The following CTNND2 variants were observed in gnomAD, a reference collection of about 807,000 sequenced individuals.
CTNND2 encodes catenin delta 2, also known as catenin delta-2.
In CTNND2, 22 loss-of-function variants were observed where a neutral mutation model predicts 144.4. The ratio of observed to expected loss-of-function variants is 0.15; its 90% CI spans 0.11 to 0.22. The LOEUF is 0.22. CTNND2 is among the 10% of genes least tolerant of loss of function. The pLI is 1.00. For missense variants in CTNND2, 1,353 were observed against 1,618.8 expected (o/e 0.84, Z 2.82); for synonymous variants, 751 against 695.6 (o/e 1.08, Z -1.25).
intron 11 of CTNND2, among the ~76,000 whole-genome samples, chr5:11,195,411 A>G (rs73053725): frequency 2.0e-3 from 303 of 152,364 alleles, no homozygotes; most frequent in African/African-American, 6.9e-3. Flanking sequence ...TCTTGGAAAC[A>G]GAAGTTCTAA....
chr5:11,674,131 T>C (rs545758078), intron 2 of CTNND2, among the ~76,000 whole-genome samples: 3 of 152,342 alleles, frequency 2.0e-5, no homozygotes, highest in Admixed American at 6.5e-5. Flanking sequence ...GTGTTGATTC[T>C]TTGAATATCT....
chr5:11,484,824 G>A (rs1437172703), intron 3 of CTNND2, among the ~76,000 whole-genome samples: 2 of 152,170 alleles, frequency 1.3e-5, no homozygotes, highest in Non-Finnish European at 2.9e-5. Flanking sequence ...TACAAAAAGA[G>A]CTCAATTGTG....
At chr5:11,470,271 A>G (rs1767066483) in intron 3 of CTNND2, among the ~76,000 whole-genome samples, 1 of 152,112 alleles carries the variant, frequency 6.6e-6, no homozygotes, top group South Asian at 2.1e-4. Context: ...CCTCATCTCC[A>G]TTAAAATACA....
intron 9 of CTNND2, among the ~76,000 whole-genome samples, chr5:11,272,413 TA>T (rs1348011569): frequency 1.3e-5 from 2 of 152,216 alleles, no homozygotes; most frequent in African/African-American, 4.8e-5. Context: ...TAAATGTTTC[TA>T]AATCAGTGTT....
At chr5:11,022,449 A>G (rs1301152085) in intron 17 of CTNND2, among the ~76,000 whole-genome samples, 1 of 152,176 alleles carries the variant, frequency 6.6e-6, no homozygotes, top group Non-Finnish European at 1.5e-5. Flanking sequence ...CTGAAGAGGC[A>G]CAGAGCAGAG....
intron 3 of CTNND2, among the ~76,000 whole-genome samples, chr5:11,435,035 T>C (rs1763633757): frequency 6.6e-6 from 1 of 152,144 alleles, no homozygotes; most frequent in Non-Finnish European, 1.5e-5. Flanking sequence ...ATTACAGAAA[T>C]AGAGATATTC....
chr5:11,637,749 A>T (rs1266110579), intron 2 of CTNND2, among the ~76,000 whole-genome samples: 1 of 152,174 alleles, frequency 6.6e-6, no homozygotes, highest in Non-Finnish European at 1.5e-5. Context: ...TATGTTTTTT[A>T]AATTATTTAT....
intron 2 of CTNND2, among the ~76,000 whole-genome samples, chr5:11,707,649 A>T (rs1364307157): frequency 6.6e-6 from 1 of 152,226 alleles, no homozygotes; most frequent in Admixed American, 6.5e-5. Context: ...TAAATGCTAA[A>T]TTTTCAACTA....
At chr5:11,043,368 C>T (rs779218076) in intron 16 of CTNND2, among the ~76,000 whole-genome samples, 1 of 151,898 alleles carries the variant, frequency 6.6e-6, no homozygotes, top group East Asian at 1.9e-4. Flanking sequence ...ATTACTCTAC[C>T]CAGGATTCCA....
At chr5:11,181,698 G>T (rs1374008761) in intron 11 of CTNND2, among the ~76,000 whole-genome samples, 4 of 151,402 alleles carry the variant, frequency 2.6e-5, no homozygotes, top group African/African-American at 9.7e-5. Flanking sequence ...TGGTGTGTGT[G>T]TGGTGTATGC....
intron 15 of CTNND2, among the ~76,000 whole-genome samples, chr5:11,095,500 C>A (rs988911238): frequency 6.6e-6 from 1 of 152,188 alleles, no homozygotes; most frequent in Non-Finnish European, 1.5e-5. Flanking sequence ...CTGCAACCCT[C>A]AAGGAAGACA....
intron 11 of CTNND2, among the ~76,000 whole-genome samples, chr5:11,166,122 T>G (rs917956161): frequency 6.6e-6 from 1 of 152,146 alleles, no homozygotes; most frequent in Non-Finnish European, 1.5e-5. Context: ...ATTAGTGAAT[T>G]AAGGCATCTA....
chr5:11,515,775 AC>A (rs1163643317), intron 3 of CTNND2, among the ~76,000 whole-genome samples: 4 of 152,202 alleles, frequency 2.6e-5, no homozygotes, highest in Non-Finnish European at 4.4e-5. Context: ...AGGCTCAAAA[AC>A]ATTATAAAAT....
At chr5:11,853,344 A>G (rs569793418) in intron 1 of CTNND2, among the ~76,000 whole-genome samples, 1 of 151,724 alleles carries the variant, frequency 6.6e-6, no homozygotes, top group African/African-American at 2.4e-5. Flanking sequence ...TTTTCTTCCT[A>G]CTTCACTGGC....
chr5:11,846,473 C>T (rs777994814), intron 1 of CTNND2, among the ~76,000 whole-genome samples: 1 of 152,114 alleles, frequency 6.6e-6, no homozygotes, highest in Middle Eastern at 3.4e-3. Flanking sequence ...AATGTAAGAC[C>T]CAAAACTATG....
In CTNND2 at chr5:11,761,232, C is replaced by CT. The variant is rs571887818; in HGVS notation, c.38-28961dup. On this transcript the variant is annotated intron_variant, in intron 1 of 21. Transcript: ENST00000304623. ...CCAATTTCATGAAACTGTAATTACT[C>CT]TGAGAACGATGCTAAATTTAAATTG... Among the ~76,000 whole-genome samples the CT allele has an allele frequency of 5.3e-4, 81 of 152,242 alleles. 1 individual carries two copies. The South Asian group carries it at 0.016, about 31-fold the overall frequency.
intron 2 of CTNND2, among the ~76,000 whole-genome samples, chr5:11,609,419 C>T (rs1417363589): frequency 1.3e-5 from 2 of 152,064 alleles, no homozygotes; most frequent in East Asian, 1.9e-4. Flanking sequence ...CCTCTTTAAA[C>T]GTATGAAATT....
chr5:11,891,454 C>T (rs769059504), intron 1 of CTNND2, among the ~76,000 whole-genome samples: 41 of 152,124 alleles, frequency 2.7e-4, no homozygotes, highest in Non-Finnish European at 4.4e-4. Context: ...TGAATGTTTG[C>T]GTCTTCTCCT....
At chr5:11,539,652 C>A (rs10072391) in intron 3 of CTNND2, among the ~76,000 whole-genome samples, 2,441 of 152,168 alleles carry the variant, frequency 0.016, 68 homozygotes, top group African/African-American at 0.056. Context: ...GAATTTGCAG[C>A]CTTTCTGCAG....
Sources: gnomAD v4.1 joint callset for allele counts (sites outside exome capture counted in the v4.1 genomes callset) on GRCh38, gnomAD v4.1.1 for gene constraint, MANE v1.5 for transcripts, NCBI Gene and HGNC (gene_info 2026-07-23, HGNC 2026-07-21) for gene names.